Variants in NIN observed in about 807,000 individuals in gnomAD.
NIN encodes the protein ninein, also known as glycogen synthase kinase 3 beta-interacting protein.
NIN carries 137 observed loss-of-function variants against 257.6 expected under a neutral mutation model. That is an observed-to-expected ratio of 0.53 (90% CI 0.46 to 0.61). The LOEUF is 0.61. Among genes scored for constraint, NIN ranks in the 20% least tolerant of loss-of-function variants. The pLI is 0.00. For missense variants in NIN, 2,439 were observed against 2,501.2 expected (o/e 0.98, Z 0.53); for synonymous variants, 918 against 919.8 (o/e 1.00, Z 0.04).
intron 15 of NIN, among the ~76,000 whole-genome samples, chr14:50,763,474 G>A (rs1307288767): frequency 1.8e-4 from 28 of 152,174 alleles, no homozygotes; most frequent in Admixed American, 1.8e-3. Context: ...CACTCTCTTC[G>A]AAGAGGACAG....
chr14:50,727,329 C>G (rs997882593), intron 29 of NIN: 7 of 988,290 alleles, frequency 7.1e-6, no homozygotes, highest in Non-Finnish European at 4.9e-6. Flanking sequence ...TGGTTTTCTT[C>G]AAATTCCATA....
At position 50,761,856 on chromosome 14, in the gene NIN, GACC is replaced by G; in HGVS notation, c.1827_1829del (p.Val610del). 1 of 1,614,110 alleles carries G rather than the reference GACC, an allele frequency of 6.2e-7. No homozygotes were observed. Among genetic ancestry groups the G allele is most frequent in the East Asian group, 2.2e-5 (1 of 44,878 alleles). Reference sequence around the variant, plus strand: ...GATGTTGTTCTTTCATCTGTTCAATGACCAGCTCTGCCTCAATGCTCATATTCA... The same window carrying G: ...GATGTTGTTCTTTCATCTGTTCAATGAGCTCTGCCTCAATGCTCATATTCA... On this transcript the variant is annotated inframe_deletion, in exon 16 of 31. Transcript: ENST00000530997.
chr14:50,772,069 T>C (rs536041050), intron 9 of NIN: 2 of 446,114 alleles, frequency 4.5e-6, no homozygotes, highest in South Asian at 3.8e-5. Flanking sequence ...ATAAACACAA[T>C]TGTAAGAGTA....
intron 3 of NIN, among the ~76,000 whole-genome samples, chr14:50,810,223 T>G (rs1595915660): frequency 8.4e-6 from 1 of 119,248 alleles, no homozygotes; most frequent in Non-Finnish European, 1.6e-5. Context: ...AGAGTGAGAC[T>G]CCGTCTCAAA....
At chr14:50,778,251 C>T (rs2042995536) in intron 6 of NIN, among the ~76,000 whole-genome samples, 2 of 152,214 alleles carry the variant, frequency 1.3e-5, no homozygotes, top group Middle Eastern at 3.2e-3. Context: ...AATCACGGCT[C>T]ACTACAGCCT....
At chr14:50,824,043 T>C (rs2045353033) in intron 2 of NIN, among the ~76,000 whole-genome samples, 1 of 152,204 alleles carries the variant, frequency 6.6e-6, no homozygotes, top group South Asian at 2.1e-4. Flanking sequence ...CGGTAGCTCT[T>C]AGTCTCACTC....
chr14:50,778,472 G>GA (rs1476140309), intron 6 of NIN, among the ~76,000 whole-genome samples: 1 of 152,180 alleles, frequency 6.6e-6, no homozygotes, highest in African/African-American at 2.4e-5. Flanking sequence ...CTGGCCAAGG[G>GA]ATGCACTTTA....
chr14:50,812,109 G>C (rs1020105434), intron 3 of NIN, among the ~76,000 whole-genome samples: 14 of 152,202 alleles, frequency 9.2e-5, no homozygotes, highest in Admixed American at 8.5e-4. Flanking sequence ...GACAGAGCGA[G>C]ACTCTGTCTC....
At chr14:50,807,645 G>A (rs944369845) in intron 3 of NIN, among the ~76,000 whole-genome samples, 13 of 152,264 alleles carry the variant, frequency 8.5e-5, no homozygotes, top group African/African-American at 2.9e-4. Flanking sequence ...TTTGTAGTTT[G>A]TTCTGCTATG....
intron 7 of NIN, among the ~76,000 whole-genome samples, chr14:50,774,916 C>T (rs1220153819): frequency 6.6e-6 from 1 of 152,204 alleles, no homozygotes; most frequent in Non-Finnish European, 1.5e-5. Context: ...ACACTTTGAG[C>T]AGGAGCTGTC....
At chr14:50,814,519 G>C (rs2044789140) in intron 3 of NIN, among the ~76,000 whole-genome samples, 1 of 152,270 alleles carries the variant, frequency 6.6e-6, no homozygotes, top group Admixed American at 6.5e-5. Context: ...TGAAAAATCT[G>C]AGGCTCAGAG....
chr14:50,774,518 G>A (rs1304204579), intron 7 of NIN, among the ~76,000 whole-genome samples: 2 of 152,194 alleles, frequency 1.3e-5, no homozygotes, highest in Admixed American at 6.5e-5. Flanking sequence ...CAAATCAATG[G>A]AAAGATATTT....
In NIN at chr14:50,719,809, A is replaced by G. The variant is rs553672563; in HGVS notation, c.*3654T>C. On this transcript the variant is annotated 3_prime_UTR_variant, in exon 31 of 31. Coordinates refer to ENST00000530997, the MANE Select transcript of NIN (RefSeq NM_020921.4). ...ATTAAAAGGTCAGGGTATATAGAAA[A>G]CAAAAGGCATGTTTGCAAAATTATT... The G allele has an allele frequency of 1.1e-4, 22 of 191,934 alleles. No individual in the cohort carries two copies. Among genetic ancestry groups the G allele is most frequent in the Admixed American group, 7.3e-4 (12 of 16,336 alleles). The allele number at this position is 191,934 out of a possible 1,614,324, so 11.9% of individuals were successfully genotyped here.
At chr14:50,824,901 A>G (rs1595954637) in intron 2 of NIN, among the ~76,000 whole-genome samples, 1 of 152,354 alleles carries the variant, frequency 6.6e-6, no homozygotes, top group Admixed American at 6.5e-5. Flanking sequence ...ACCAACTGCC[A>G]ATCTGTAACA....
At chr14:50,781,301 A>C (rs2043124377) in intron 5 of NIN, among the ~76,000 whole-genome samples, 1 of 152,162 alleles carries the variant, frequency 6.6e-6, no homozygotes, top group Non-Finnish European at 1.5e-5. Flanking sequence ...GAGAAATGGC[A>C]GGAGAATATG....
intron 2 of NIN, among the ~76,000 whole-genome samples, chr14:50,822,889 CAGACAGTG>C (rs2045291761): frequency 6.6e-6 from 1 of 152,188 alleles, no homozygotes; most frequent in Non-Finnish European, 1.5e-5. Flanking sequence ...TTCAACCTTT[CAGACAGTG>C]AGGTTTAAAG....
At position 50,822,167 on chromosome 14, in the gene NIN, C is replaced by G. The variant is rs1036056700; in HGVS notation, c.-21-90G>C. 32 of 879,632 alleles carry G rather than the reference C, an allele frequency of 3.6e-5. No homozygotes were observed. The African/African-American group carries it at 4.2e-4, about 11-fold the overall frequency. The allele number at this position is 879,632 out of a possible 1,614,324, so 54.5% of individuals were successfully genotyped here. On this transcript the variant is annotated intron_variant, in intron 2 of 30. Transcript: ENST00000530997. ...CTGGCACATTCCCGTTCTCTGTACCCCACCAGTCTCTAGGGAATGCTCGGG... is the reference window on the plus strand; with the variant it reads ...CTGGCACATTCCCGTTCTCTGTACCGCACCAGTCTCTAGGGAATGCTCGGG...
intron 21 of NIN, among the ~76,000 whole-genome samples, chr14:50,748,664 C>A (rs936358575): frequency 6.6e-6 from 1 of 152,122 alleles, no homozygotes; most frequent in African/African-American, 2.4e-5. Flanking sequence ...CACAAGCATT[C>A]CTATATACCA....
At chr14:50,739,912 A>C (rs964427951) in intron 25 of NIN, among the ~76,000 whole-genome samples, 1 of 152,250 alleles carries the variant, frequency 6.6e-6, no homozygotes, top group Non-Finnish European at 1.5e-5. Flanking sequence ...CTGCCAACTC[A>C]AAAGCTTTCA....
Sources: gnomAD v4.1 joint callset for allele counts (sites outside exome capture counted in the v4.1 genomes callset) on GRCh38, gnomAD v4.1.1 for gene constraint, MANE v1.5 for transcripts, NCBI Gene and HGNC (gene_info 2026-07-23, HGNC 2026-07-21) for gene names.